Variants in ABCC9 observed in about 807,000 individuals in gnomAD.
The protein encoded by ABCC9 is ATP-binding cassette sub-family C member 9.
Under a neutral mutation model 188.3 loss-of-function variants are expected in ABCC9, and 95 were observed. That is an observed-to-expected ratio of 0.50 (90% CI 0.43 to 0.60). ABCC9 has a LOEUF of 0.60. ABCC9 is among the 20% of genes least tolerant of loss of function. ABCC9 has a pLI of 0.00. For synonymous variants in ABCC9, 659 were observed against 652.7 expected (o/e 1.01, Z -0.15); for missense variants, 1,102 against 1,876.3 (o/e 0.59, Z 7.62).
intron 11 of ABCC9, among the ~76,000 whole-genome samples, chr12:21,907,306 C>G (rs565864735): frequency 6.6e-6 from 1 of 152,094 alleles, no homozygotes; most frequent in African/African-American, 2.4e-5. Context: ...AGCAGAAAAA[C>G]AAGTGATAAA....
intron 10 of ABCC9, among the ~76,000 whole-genome samples, chr12:21,908,499 G>T (rs770300055): frequency 2.0e-5 from 3 of 151,828 alleles, no homozygotes; most frequent in African/African-American, 7.3e-5. Flanking sequence ...GCATGAATTT[G>T]CAAAGTGGTC....
intron 31 of ABCC9, among the ~76,000 whole-genome samples, chr12:21,823,389 A>C (rs567895592): frequency 2.6e-5 from 4 of 152,318 alleles, no homozygotes; most frequent in African/African-American, 7.2e-5. Flanking sequence ...TCCTTCATAT[A>C]GCACTCAGGA....
intron 12 of ABCC9, among the ~76,000 whole-genome samples, chr12:21,898,296 A>G (rs904748989): frequency 6.6e-6 from 1 of 152,112 alleles, no homozygotes; most frequent in South Asian, 2.1e-4. Context: ...TGTTGTTGTT[A>G]TTGTTATTAT....
chr12:21,903,769 T>C (rs1947889531), intron 12 of ABCC9, among the ~76,000 whole-genome samples: 1 of 151,992 alleles, frequency 6.6e-6, no homozygotes, highest in Non-Finnish European at 1.5e-5. Flanking sequence ...CACTGCTCAA[T>C]GAAATAAAAG....
At chr12:21,836,801 G>C (rs1360247237) in intron 30 of ABCC9, among the ~76,000 whole-genome samples, 3 of 152,052 alleles carry the variant, frequency 2.0e-5, no homozygotes, top group Non-Finnish European at 4.4e-5. Flanking sequence ...TGAACTGATA[G>C]GGCTTACATT....
intron 12 of ABCC9, among the ~76,000 whole-genome samples, chr12:21,901,584 G>A (rs1048690133): frequency 2.0e-5 from 3 of 152,076 alleles, no homozygotes; most frequent in Admixed American, 2.0e-4. Context: ...GACACACATA[G>A]GCTCAAAATA....
chr12:21,845,660 A>G lies in ABCC9; in HGVS notation c.3039T>C (p.Tyr1013=), dbSNP rs902817295. ...LKHSVIVAID[Y]WLATWTSEYS... is the part of the protein sequence containing the mutation. ...ACTCCGATGTCCATGTGGCCAGCCA[A>G]TAGTCTATAGCTACAATGACCGAAT... Residue 1013 remains tyrosine, a synonymous_variant, in exon 26 of 40, where the codon TAT becomes TAC. Coordinates refer to ENST00000261200, the MANE Select transcript of ABCC9 (RefSeq NM_020297.4). 1.9e-6 allele frequency: 3 copies of G among 1,613,770 alleles called. No individual in the cohort carries two copies. In the African/African-American group the frequency reaches 4.0e-5, roughly 22 times the overall value.
intron 4 of ABCC9, among the ~76,000 whole-genome samples, chr12:21,927,915 C>T (rs1949105148): frequency 6.6e-6 from 1 of 152,066 alleles, no homozygotes; most frequent in Non-Finnish European, 1.5e-5. Context: ...TATTCTCTGA[C>T]TATTGAATCA....
chr12:21,844,759 T>G lies in ABCC9; in HGVS notation c.3245+8A>C. On this transcript the variant is annotated splice_region_variant and intron_variant, in intron 27 of 39. Coordinates refer to ENST00000261200, the MANE Select transcript of ABCC9 (RefSeq NM_020297.4). Reference sequence around the variant, plus strand: ...ATGTGTGGGAGTGAGAAATAACCACTGTTTTACCTTATTGGTCCAAGGATT... The same window carrying G: ...ATGTGTGGGAGTGAGAAATAACCACGGTTTTACCTTATTGGTCCAAGGATT... 6.2e-7 allele frequency: 1 copy of G among 1,613,838 alleles called. No individual in the cohort carries two copies. The highest frequency in any genetic ancestry group is 1.3e-5 in the African/African-American group (1 of 75,020).
intron 15 of ABCC9, among the ~76,000 whole-genome samples, chr12:21,887,038 C>A (rs1388658027): frequency 6.6e-6 from 1 of 152,068 alleles, no homozygotes; most frequent in Non-Finnish European, 1.5e-5. Context: ...CTTATCAATT[C>A]CTGCCTCAAG....
intron 31 of ABCC9, among the ~76,000 whole-genome samples, chr12:21,822,571 GGTCA>G (rs1565701715): frequency 1.3e-5 from 2 of 151,940 alleles, no homozygotes; most frequent in African/African-American, 4.8e-5. Flanking sequence ...AGGTCAAGGC[GGTCA>G]GATCACGAGG....
rs1175271155 is a variant in ABCC9, at chr12:21,838,180, A to G, written c.3474-10T>C. The G allele has an allele frequency of 1.9e-6, 3 of 1,585,008 alleles. No individual in the cohort carries two copies. The highest frequency in any genetic ancestry group is 2.6e-6 in the Non-Finnish European group (3 of 1,153,566). On this transcript the variant is annotated splice_polypyrimidine_tract_variant and intron_variant, in intron 29 of 39. Coordinates refer to ENST00000261200, the MANE Select transcript of ABCC9 (RefSeq NM_020297.4). ...AAGTTCCTGGAGGTCCCTAGTAGAG[A>G]GAGGGGCAAAAATAAACTTCATGTG...
chr12:21,819,058 T>G (rs1942864814), intron 31 of ABCC9, among the ~76,000 whole-genome samples: 1 of 152,130 alleles, frequency 6.6e-6, no homozygotes, highest in African/African-American at 2.4e-5. Flanking sequence ...TTAAAACAAT[T>G]CTTTAATAAC....
chr12:21,935,089 C>G (rs972531708), intron 3 of ABCC9, among the ~76,000 whole-genome samples: 1 of 152,008 alleles, frequency 6.6e-6, no homozygotes, highest in Admixed American at 6.6e-5. Context: ...ACAATGTCCC[C>G]TCAAATTCTC....
chr12:21,910,771 C>T, intron 9 of ABCC9, 55 bp downstream of exon 9: 1 of 1,503,842 alleles, frequency 6.6e-7, no homozygotes, highest in Middle Eastern at 1.7e-4. Flanking sequence ...ATTCTTTTCA[C>T]TGAATGGTAT....
intron 34 of ABCC9, 107 bp downstream of exon 34, chr12:21,815,656 G>T: frequency 7.2e-7 from 1 of 1,383,860 alleles, no homozygotes; most frequent in Non-Finnish European, 1.0e-6. Flanking sequence ...ACATCAGGTA[G>T]GGAATATACT....
chr12:21,936,410 G>A (rs1419857464), intron 3 of ABCC9, 123 bp downstream of exon 3: 9 of 855,454 alleles, frequency 1.1e-5, no homozygotes, highest in Non-Finnish European at 1.6e-5. Context: ...ATACTTGCTT[G>A]TTCGTTTCTC....
chr12:21,855,554 AG>A (rs1285759934), intron 22 of ABCC9, among the ~76,000 whole-genome samples: 1 of 152,152 alleles, frequency 6.6e-6, no homozygotes, highest in Non-Finnish European at 1.5e-5. Context: ...GAAGTTAGTA[AG>A]GCATAATTGA....
intron 37 of ABCC9, among the ~76,000 whole-genome samples, chr12:21,808,388 T>A (rs1208929263): frequency 6.6e-6 from 1 of 152,034 alleles, no homozygotes; most frequent in Non-Finnish European, 1.5e-5. Flanking sequence ...GTAAATACAA[T>A]CCCCTGTGGC....
Sources: gnomAD v4.1 joint callset for allele counts (sites outside exome capture counted in the v4.1 genomes callset) on GRCh38, gnomAD v4.1.1 for gene constraint, MANE v1.5 for transcripts, NCBI Gene and HGNC (gene_info 2026-07-23, HGNC 2026-07-21) for gene names.